The following LRP12 variants were observed in gnomAD, a reference collection of about 807,000 sequenced individuals.
LRP12 encodes low-density lipoprotein receptor-related protein 12.
LRP12 carries 14 observed loss-of-function variants against 66.0 expected under a neutral mutation model. The observed-to-expected ratio is 0.21, with a 90% CI of 0.14 to 0.33. LRP12 has a LOEUF of 0.33. Ranked by LOEUF, LRP12 falls within the 10% of genes least tolerant of loss-of-function variation. LRP12 has a pLI of 1.00. For missense variants in LRP12, 889 were observed against 1,053.4 expected (o/e 0.84, Z 2.16); for synonymous variants, 357 against 359.1 (o/e 0.99, Z 0.07).
intron 1 of LRP12, among the ~76,000 whole-genome samples, chr8:104,547,962 T>A (rs1811623742): frequency 1.7e-5 from 2 of 120,796 alleles, no homozygotes; most frequent in Non-Finnish European, 3.1e-5. Context: ...TATACCATTG[T>A]TATATTTTGT....
At chr8:104,525,466 T>C (rs2140857060) in intron 2 of LRP12, among the ~76,000 whole-genome samples, 1 of 152,162 alleles carries the variant, frequency 6.6e-6, no homozygotes, top group East Asian at 1.9e-4. Flanking sequence ...AACAAATTAT[T>C]CCAAGTACAA....
At chr8:104,555,638 C>T (rs1035882411) in intron 1 of LRP12, among the ~76,000 whole-genome samples, 1 of 152,116 alleles carries the variant, frequency 6.6e-6, no homozygotes, top group African/African-American at 2.4e-5. Flanking sequence ...ATGCACCTAA[C>T]ACTGGAGCTC....
chr8:104,547,685 A>G (rs1473249006), intron 1 of LRP12, among the ~76,000 whole-genome samples: 1 of 122,738 alleles, frequency 8.1e-6, no homozygotes, highest in Admixed American at 9.1e-5. Context: ...ATTTTGTATA[A>G]TATAAAATCA....
intron 2 of LRP12, among the ~76,000 whole-genome samples, chr8:104,526,031 C>A (rs1469021217): frequency 6.6e-6 from 1 of 152,094 alleles, no homozygotes; most frequent in Admixed American, 6.6e-5. Flanking sequence ...TTCTTATACA[C>A]CAATAACAGA....
In LRP12 at chr8:104,490,030, A is replaced by G. The variant is rs1014077111; in HGVS notation, c.*643T>C. 1.3e-5 allele frequency: 2 copies of G among 152,650 alleles called. No homozygotes were observed. The highest frequency in any genetic ancestry group is 2.9e-5 in the Non-Finnish European group (2 of 68,040). 9.5% of individuals were successfully genotyped at this position (152,650 alleles called of 1,614,324 possible). ...ACCATGTTAGAGTATTAAAGTCAAC[A>G]TTAGAAAATCTTTATAAAAGAGTTT... is the stretch of plus-strand genomic sequence containing the variant. On this transcript the variant is annotated 3_prime_UTR_variant, in exon 7 of 7. Coordinates refer to ENST00000276654, the MANE Select transcript of LRP12 (RefSeq NM_013437.5).
At chr8:104,496,835 T>G in intron 5 of LRP12, 137 bp downstream of exon 5, 1 of 829,950 alleles carries the variant, frequency 1.2e-6, no homozygotes, top group Non-Finnish European at 1.7e-6. Context: ...TCACGCTAAT[T>G]TTATACATCA....
At chr8:104,508,250 T>C (rs1215226052) in intron 3 of LRP12, 1 of 152,210 alleles carries the variant, frequency 6.6e-6, no homozygotes, top group African/African-American at 2.4e-5. Context: ...TTCTACTAAA[T>C]ATATTCTTTA....
rs139817035 is a variant in LRP12 at position 104,513,225 on chromosome 8, T to G, written c.137-4151A>C. ...CTCCCTTTTGGGTTAAGAGTTTGCC[T>G]ATGTATACTGGCAGATTTGGTATCA... On this transcript the variant is annotated intron_variant, in intron 2 of 6. Coordinates refer to ENST00000276654, the MANE Select transcript of LRP12 (RefSeq NM_013437.5). Among the ~76,000 whole-genome samples, 292 of 152,368 alleles carry G rather than the reference T, an allele frequency of 1.9e-3. 1 individual carries two copies. The highest frequency in any genetic ancestry group is 3.4e-3 in the Middle Eastern group (1 of 294).
At chr8:104,495,534 C>A (rs554635638) in intron 5 of LRP12, 2 of 185,730 alleles carry the variant, frequency 1.1e-5, no homozygotes, top group Non-Finnish European at 2.2e-5. Flanking sequence ...ACTGAATATA[C>A]GTTGAAGCCA....
chr8:104,521,618 T>C (rs1193619339), intron 2 of LRP12, among the ~76,000 whole-genome samples: 2 of 151,478 alleles, frequency 1.3e-5, no homozygotes, highest in East Asian at 3.9e-4. Flanking sequence ...TTTTTATATA[T>C]ATATATATCA....
In LRP12 at chr8:104,490,584, T is replaced by C; in HGVS notation, c.*89A>G. The C allele has an allele frequency of 6.9e-7, 1 of 1,455,436 alleles. No individual in the cohort carries two copies. The highest frequency in any genetic ancestry group is 2.3e-5 in the Admixed American group (1 of 42,828). The allele number at this position is 1,455,436 out of a possible 1,614,324, so 90.2% of individuals were successfully genotyped here. ...GAAATCACCCTGCATTTTTTCTTTT[T>C]AAACTAAAACTAGTTTAACTGTAAA... On this transcript the variant is annotated 3_prime_UTR_variant, in exon 7 of 7. Coordinates refer to ENST00000276654, the MANE Select transcript of LRP12 (RefSeq NM_013437.5).
rs181375266 is a variant in LRP12, at chr8:104,504,955, T to C, written c.272+3984A>G. 3 of 152,326 alleles carry C rather than the reference T, an allele frequency of 2.0e-5. No homozygotes were observed. The East Asian group carries it at 5.8e-4, about 29-fold the overall frequency. The allele number at this position is 152,326 out of a possible 1,614,324, so 9.4% of individuals were successfully genotyped here. A position where few individuals can be genotyped will look rare whatever the true frequency, so the allele number is the denominator to read the frequency against. ...CCTTAAGCTCAATTACAATGGATGT[T>C]AATCTTCCTACACTAGCTTTCTCTT... On this transcript the variant is annotated intron_variant, in intron 3 of 6. Coordinates refer to ENST00000276654, the MANE Select transcript of LRP12 (RefSeq NM_013437.5).
chr8:104,567,273 C>T (rs993075745), intron 1 of LRP12, among the ~76,000 whole-genome samples: 50 of 152,194 alleles, frequency 3.3e-4, no homozygotes, highest in African/African-American at 1.2e-3. Context: ...CTGTGGAGAC[C>T]TCAGAATCAT....
intron 2 of LRP12, among the ~76,000 whole-genome samples, chr8:104,522,882 G>T (rs1410995589): frequency 6.6e-6 from 1 of 152,016 alleles, no homozygotes; most frequent in Non-Finnish European, 1.5e-5. Flanking sequence ...CAAATAAAAG[G>T]TTGAGACTTT....
chr8:104,561,983 G>A (rs1314615574), intron 1 of LRP12, among the ~76,000 whole-genome samples: 2 of 152,146 alleles, frequency 1.3e-5, no homozygotes, highest in African/African-American at 4.8e-5. Flanking sequence ...TGTGCTCACT[G>A]CTATTGTGCA....
At chr8:104,541,341 G>C (rs117821407) in intron 1 of LRP12, among the ~76,000 whole-genome samples, 2,485 of 152,184 alleles carry the variant, frequency 0.016, 33 homozygotes, top group Admixed American at 0.027. Context: ...ACTGATAAAA[G>C]AGCTCACAAC....
intron 2 of LRP12, among the ~76,000 whole-genome samples, chr8:104,529,190 AGAG>A (rs10553709): frequency 0.031 from 4,653 of 152,222 alleles, 235 homozygotes; most frequent in African/African-American, 0.11. Flanking sequence ...CCTTATAAGA[AGAG>A]GAGATCAGGA....
At chr8:104,548,228 ATT>A (rs1564141925) in intron 1 of LRP12, among the ~76,000 whole-genome samples, 185 of 103,030 alleles carry the variant, frequency 1.8e-3, no homozygotes, top group African/African-American at 7.7e-3. Flanking sequence ...TATATGATAT[ATT>A]TATATTAATA....
chr8:104,512,247 G>A (rs555224963), intron 2 of LRP12, among the ~76,000 whole-genome samples: 1 of 152,282 alleles, frequency 6.6e-6, no homozygotes, highest in African/African-American at 2.4e-5. Context: ...AACCTGAGAG[G>A]CGGAGGCTGC....
Sources: gnomAD v4.1 joint callset for allele counts (sites outside exome capture counted in the v4.1 genomes callset) on GRCh38, gnomAD v4.1.1 for gene constraint, MANE v1.5 for transcripts, NCBI Gene and HGNC (gene_info 2026-07-23, HGNC 2026-07-21) for gene names.